Variants in GALNT14 observed in about 807,000 individuals in gnomAD.
GALNT14 encodes the protein UDP-GalNAc:polypeptide N-acetylgalactosaminyltransferase 14.
A neutral mutation model predicts 77.5 loss-of-function variants in GALNT14; 60 were observed. The ratio of observed to expected loss-of-function variants is 0.77; its 90% CI spans 0.63 to 0.96. GALNT14 has a LOEUF of 0.96. Ranked by LOEUF, GALNT14 falls within the 40% of genes least tolerant of loss-of-function variation. The pLI is 0.00. For synonymous variants in GALNT14, 280 were observed against 281.7 expected, an observed-to-expected ratio of 0.99 and a Z score of 0.06; for missense variants, 710 against 731.0, an observed-to-expected ratio of 0.97 and a Z score of 0.33.
chr2:31,002,902 C>T (rs1308906847), intron 1 of GALNT14, among the ~76,000 whole-genome samples: 2 of 152,214 alleles, frequency 1.3e-5, no homozygotes, highest in African/African-American at 4.8e-5. Flanking sequence ...AGGGACCCCA[C>T]ATCAATTATG....
intron 1 of GALNT14, among the ~76,000 whole-genome samples, chr2:31,114,497 G>T (rs1456778210): frequency 6.6e-6 from 1 of 152,186 alleles, no homozygotes; most frequent in African/African-American, 2.4e-5. Flanking sequence ...AAAAAGCTCA[G>T]CAGAGTAGTT....
intron 1 of GALNT14, among the ~76,000 whole-genome samples, chr2:31,045,584 T>C (rs1314507225): frequency 2.0e-5 from 3 of 152,154 alleles, no homozygotes; most frequent in African/African-American, 7.2e-5. Context: ...TGCTTCAGCC[T>C]CCCAGGTAGC....
chr2:31,044,642 G>A (rs1047456572), intron 1 of GALNT14, among the ~76,000 whole-genome samples: 9 of 145,728 alleles, frequency 6.2e-5, no homozygotes, highest in Admixed American at 4.1e-4. Context: ...TATACTACGG[G>A]TGAGGTGACT....
chr2:31,117,349 C>T (rs1573372513), intron 1 of GALNT14, among the ~76,000 whole-genome samples: 1 of 152,262 alleles, frequency 6.6e-6, no homozygotes, highest in East Asian at 1.9e-4. Context: ...ATGTATGGGA[C>T]ACAGCAAAGG....
At chr2:30,967,215 G>T (rs1428693401) in intron 2 of GALNT14, among the ~76,000 whole-genome samples, 1 of 152,146 alleles carries the variant, frequency 6.6e-6, no homozygotes, top group African/African-American at 2.4e-5. Flanking sequence ...CCCAGGGATG[G>T]ACTTCAAGGG....
chr2:31,058,929 C>T (rs561424938), intron 1 of GALNT14, among the ~76,000 whole-genome samples: 1 of 152,148 alleles, frequency 6.6e-6, no homozygotes, highest in Non-Finnish European at 1.5e-5. Context: ...ATAGCAGATA[C>T]AAATGGCTCA....
At chr2:30,899,582 T>G in the GALNT14 span, among the ~76,000 whole-genome samples, 1 of 152,144 alleles carries the variant, frequency 6.6e-6, no homozygotes, top group Admixed American at 6.5e-5. Context: ...TTTTTTTTTT[T>G]TCCTCCTTCT....
At chr2:30,968,411 G>A (rs1668139682) in intron 2 of GALNT14, among the ~76,000 whole-genome samples, 1 of 152,204 alleles carries the variant, frequency 6.6e-6, no homozygotes, top group Non-Finnish European at 1.5e-5. Context: ...AGAAGTGACG[G>A]TGTGTGTCTC....
In GALNT14 at chr2:31,094,132, T is replaced by C. The variant is rs1676888610; in HGVS notation, c.129+43826A>G. Among the ~76,000 whole-genome samples the C allele has an allele frequency of 2.0e-5, 3 of 152,256 alleles. No individual in the cohort carries two copies. The South Asian group carries it at 6.2e-4, about 31-fold the overall frequency. On this transcript the variant is annotated intron_variant, in intron 1 of 14. Coordinates refer to ENST00000349752, the MANE Select transcript of GALNT14 (RefSeq NM_024572.4). ...CTGATGACATTCCACCATTGTGATT[T>C]GTTTCTGCCCCACCCTAACAGATCA...
At chr2:31,079,162 C>T in intron 1 of GALNT14, 3 of 770,372 alleles carry the variant, frequency 3.9e-6, no homozygotes, top group Middle Eastern at 4.4e-4. Flanking sequence ...AGTGCTATTG[C>T]CCAGGCTCCA....
intron 14 of GALNT14, among the ~76,000 whole-genome samples, chr2:30,911,599 G>A (rs748821785): frequency 6.6e-6 from 1 of 152,194 alleles, no homozygotes; most frequent in Non-Finnish European, 1.5e-5. Context: ...GCACGTTACT[G>A]CCAAGAGACA....
chr2:31,066,411 G>A (rs1170608734), intron 1 of GALNT14, among the ~76,000 whole-genome samples: 1 of 147,832 alleles, frequency 6.8e-6, no homozygotes, highest in East Asian at 2.2e-4. Context: ...GGGTGCGGGG[G>A]CGGGGGGCGG....
intron 2 of GALNT14, chr2:30,991,334 T>G (rs988063552): frequency 1.3e-5 from 2 of 151,266 alleles, no homozygotes; most frequent in African/African-American, 4.9e-5. Context: ...TCCTGTCTCC[T>G]GTCTCCTCCC....
At chr2:31,109,458 G>C (rs748980658) in intron 1 of GALNT14, among the ~76,000 whole-genome samples, 29 of 152,212 alleles carry the variant, frequency 1.9e-4, no homozygotes, top group Non-Finnish European at 5.9e-5. Flanking sequence ...TAAAGACAAG[G>C]AATGTCTGGC....
downstream of GALNT14, among the ~76,000 whole-genome samples, chr2:30,907,013 A>T (rs1401623508): frequency 6.6e-6 from 1 of 152,230 alleles, no homozygotes; most frequent in Non-Finnish European, 1.5e-5. Flanking sequence ...GAAACCAATG[A>T]GAACAAAGAC....
chr2:30,972,592 A>T (rs780157745), intron 2 of GALNT14, among the ~76,000 whole-genome samples: 1 of 152,244 alleles, frequency 6.6e-6, no homozygotes, highest in African/African-American at 2.4e-5. Flanking sequence ...ACTCACTCCA[A>T]CTAGCAAAGG....
chr2:30,996,179 G>A (rs1414900747), intron 1 of GALNT14, among the ~76,000 whole-genome samples: 1 of 152,160 alleles, frequency 6.6e-6, no homozygotes, highest in Non-Finnish European at 1.5e-5. Context: ...GCACCCTGTG[G>A]CCCAGTCAAA....
At chr2:30,985,564 C>A (rs1669246590) in intron 2 of GALNT14, among the ~76,000 whole-genome samples, 1 of 152,190 alleles carries the variant, frequency 6.6e-6, no homozygotes, top group African/African-American at 2.4e-5. Context: ...CTGCCCCGGG[C>A]TGTGGACACA....
At chr2:30,924,069 C>T in intron 13 of GALNT14, 50 bp downstream of exon 13, 1 of 1,607,652 alleles carries the variant, frequency 6.2e-7, no homozygotes, top group Non-Finnish European at 8.5e-7. Flanking sequence ...CATCTGGCTG[C>T]CTCCCTCTAC....
Sources: allele counts gnomAD v4.1 joint callset (sites outside exome capture counted in the v4.1 genomes callset), GRCh38; gene constraint gnomAD v4.1.1; transcripts MANE v1.5; gene names NCBI Gene and HGNC (gene_info 2026-07-23, HGNC 2026-07-21).